The following PHRF1 variants were observed in gnomAD, a reference collection of about 807,000 sequenced individuals.
PHRF1 encodes PHD and ring finger domains 1.
A neutral mutation model predicts 128.9 loss-of-function variants in PHRF1; 53 were observed. The ratio of observed to expected loss-of-function variants is 0.41; its 90% CI spans 0.33 to 0.52. The LOEUF (loss-of-function observed/expected upper bound fraction) is 0.52, where lower values mean the gene tolerates loss of function less well. Ranked by LOEUF, PHRF1 falls within the 20% of genes least tolerant of loss-of-function variation. PHRF1 has a pLI of 0.21. For missense variants in PHRF1, 2,503 were observed against 2,284.5 expected, an observed-to-expected ratio of 1.10 and a Z score of -1.95; for synonymous variants, 1,178 against 980.6, an observed-to-expected ratio of 1.20 and a Z score of -3.76.
At chr11:603,995 G>C (rs530282490) in intron 10 of PHRF1, among the ~76,000 whole-genome samples, 1 of 152,140 alleles carries the variant, frequency 6.6e-6, no homozygotes, top group Non-Finnish European at 1.5e-5. Context: ...GAGCCACCAT[G>C]CCTGGCCCTC....
intron 4 of PHRF1, among the ~76,000 whole-genome samples, chr11:591,124 C>A (rs909996738): frequency 6.6e-6 from 1 of 152,222 alleles, no homozygotes; most frequent in Non-Finnish European, 1.5e-5. Context: ...CCACGCCTGT[C>A]CTTCCTCCCT....
At chr11:585,580 C>CTTCAACTCTTT in intron 3 of PHRF1, among the ~76,000 whole-genome samples, 1 of 121,790 alleles carries the variant, frequency 8.2e-6, no homozygotes, top group African/African-American at 3.5e-5. Flanking sequence ...GGTAGTAGCC[C>CTTCAACTCTTT]TTTCCAGCTT....
At position 610,308 on chromosome 11, in the gene PHRF1, G is replaced by T. The variant is rs1856288471; in HGVS notation, c.4377G>T (p.Val1459=). The change falls in exon 15 of 18, where the codon GTG becomes GTT. Residue 1459 remains valine (V), a synonymous_variant. Coordinates refer to ENST00000264555, the MANE Select transcript of PHRF1 (RefSeq NM_001286581.2). ...VFSELPFPSH[V]LPEPGFPDTD... The stretch of plus-strand genomic sequence containing the variant: ...CCGAGCTGCCCTTTCCCAGTCACGT[G>T]CTTCCGGAACCCGGGTTCCCAGACA... 1.3e-6 allele frequency: 2 copies of T among 1,565,518 alleles called. No individual in the cohort carries two copies. The highest frequency in any genetic ancestry group is 1.7e-6 in the Non-Finnish European group (2 of 1,155,274).
chr11:611,983 A>G lies in PHRF1; in HGVS notation c.*206A>G. On this transcript the variant is annotated 3_prime_UTR_variant, in exon 18 of 18. Coordinates refer to ENST00000264555, the MANE Select transcript of PHRF1 (RefSeq NM_001286581.2). The stretch of plus-strand genomic sequence containing the variant: ...GTGCACCTGTGTTGCTCACAGTTGA[A>G]AACTGGACACTTTTGTATGTATATT... The G allele has an allele frequency of 1.4e-6, 1 of 717,974 alleles. No individual in the cohort carries two copies. Among genetic ancestry groups the G allele is most frequent in the South Asian group, 1.9e-5 (1 of 51,596 alleles). 44.5% of individuals were successfully genotyped at this position (717,974 alleles called of 1,614,324 possible). A position where few individuals can be genotyped will look rare whatever the true frequency, so the allele number is the denominator to read the frequency against.
At chr11:602,233 A>T (rs1180097242) in intron 10 of PHRF1, among the ~76,000 whole-genome samples, 1 of 152,134 alleles carries the variant, frequency 6.6e-6, no homozygotes, top group African/African-American at 2.4e-5. Flanking sequence ...CCAGACATTT[A>T]ATATTCATTT....
At chr11:586,252 A>G (rs896263448) in intron 3 of PHRF1, among the ~76,000 whole-genome samples, 2 of 151,582 alleles carry the variant, frequency 1.3e-5, no homozygotes, top group Non-Finnish European at 2.9e-5. Context: ...TCAGCCTCCC[A>G]AAGATGCCGG....
rs1161823522 is a variant in PHRF1 at position 597,605 on chromosome 11, C to T, written c.894+35C>T. 7 of 1,581,690 alleles carry T rather than the reference C, an allele frequency of 4.4e-6. No homozygotes were observed. The highest frequency in any genetic ancestry group is 6.0e-6 in the Non-Finnish European group (7 of 1,165,642). ...CCAGCCCTGACGCCAGTCGTAGAACCCCAGCTGCCCAGAGTGATCTCGGCA... is the reference window on the plus strand; with the variant it reads ...CCAGCCCTGACGCCAGTCGTAGAACTCCAGCTGCCCAGAGTGATCTCGGCA... On this transcript the variant is annotated intron_variant, in intron 8 of 17. Coordinates refer to ENST00000264555, the MANE Select transcript of PHRF1 (RefSeq NM_001286581.2). This position sits in a 1 kb window ranked among gnomAD's most constrained non-coding sequence, Gnocchi z 6.5.
intron 3 of PHRF1, among the ~76,000 whole-genome samples, chr11:582,960 G>A (rs1854296711): frequency 6.6e-6 from 1 of 151,164 alleles, no homozygotes; most frequent in Non-Finnish European, 1.5e-5. Context: ...TGTGAACCTA[G>A]GAGGTGGAGG....
At chr11:584,483 A>AG (rs1854405558) in intron 3 of PHRF1, among the ~76,000 whole-genome samples, 1 of 152,124 alleles carries the variant, frequency 6.6e-6, no homozygotes, top group African/African-American at 2.4e-5. Flanking sequence ...GTGGGCGTCC[A>AG]GGGGAGGGGC....
Position 607,731 on chromosome 11 carries a change from T to G in PHRF1, c.2275T>G (p.Leu759Val), listed in dbSNP as rs762125946. ...RPPAPSSHGS[L>V]APLGPSRGKG... ...CCCAGCCCCCAGCTCCCATGGCAGT[T>G]TGGCCCCACTGGGACCATCAAGAGG... The change falls in exon 14 of 18, where the codon TTG (leucine) becomes GTG (valine). Residue 759 changes from leucine (L) to valine (V), a missense_variant. Leu to Val is a conservative substitution (Grantham distance 32). Coordinates refer to ENST00000264555, the MANE Select transcript of PHRF1 (RefSeq NM_001286581.2). 1.2e-6 allele frequency: 2 copies of G among 1,611,916 alleles called. No homozygotes were observed. Among genetic ancestry groups the G allele is most frequent in the South Asian group, 1.1e-5 (1 of 91,074 alleles).
chr11:610,061 G>A, intron 14 of PHRF1, 135 bp from the exon 15 acceptor site: 1 of 1,178,418 alleles, frequency 8.5e-7, no homozygotes. Context: ...ACCTCCCCTT[G>A]GTGCTGGGGG....
chr11:610,074 G>C, intron 14 of PHRF1, 122 bp from the exon 15 acceptor site: 1 of 1,281,268 alleles, frequency 7.8e-7, no homozygotes, highest in Non-Finnish European at 1.0e-6. Flanking sequence ...GCTGGGGGTG[G>C]ATCTGAGGGC....
chr11:606,485 G>C lies in PHRF1; in HGVS notation c.1498G>C (p.Glu500Gln). ...GGTGCCAGAGCCAGACTTGGAGGAG[G>C]AGCCAGTGCCTGACCTGCTGGGCAG... ...AAVPEPDLEE[E>Q]PVPDLLGSIL... Residue 500 changes from glutamate to glutamine, a missense_variant, in exon 13 of 18, where the codon GAG (glutamate) becomes CAG (glutamine). Transcript: ENST00000264555. The C allele has an allele frequency of 6.3e-7, 1 of 1,595,452 alleles. No individual in the cohort carries two copies.
rs2133100723 is a variant in PHRF1, at chr11:610,357, TGGGCTGGA to T, written c.4416+17_4416+24del. On this transcript the variant is annotated intron_variant, in intron 15 of 17. Coordinates refer to ENST00000264555, the MANE Select transcript of PHRF1 (RefSeq NM_001286581.2). Reference sequence around the variant, plus strand: ...CACAGACCCCTCTCAGGTGGGTGTCTGGGCTGGAGGGCTGTGGGCCGTGGGCAGTGGCC... The same window carrying T: ...CACAGACCCCTCTCAGGTGGGTGTCTGGGCTGTGGGCCGTGGGCAGTGGCC... 6.4e-7 allele frequency: 1 copy of T among 1,554,910 alleles called. No homozygotes were observed. The highest frequency in any genetic ancestry group is 8.7e-7 in the Non-Finnish European group (1 of 1,148,874).
rs557904027 is a variant in PHRF1, at chr11:609,093, C to T, written c.3637C>T (p.Arg1213Trp). 6.7e-5 allele frequency: 107 copies of T among 1,603,586 alleles called. No individual in the cohort carries two copies. The highest frequency in any genetic ancestry group is 8.5e-5 in the Non-Finnish European group (100 of 1,175,910). The change falls in exon 14 of 18, where the codon CGG becomes TGG. Residue 1213 changes from arginine (R) to tryptophan (W), a missense_variant. Arg to Trp is a moderately radical substitution (Grantham distance 101). Coordinates refer to ENST00000264555, the MANE Select transcript of PHRF1 (RefSeq NM_001286581.2). ...PAPLAQGEPG[R>W]EDLPTRLPAL... Reference sequence around the variant, plus strand: ...GCCCCTTGCACAGGGGGAGCCAGGGCGGGAAGACCTCCCCACCAGGTTGCC... The same window carrying T: ...GCCCCTTGCACAGGGGGAGCCAGGGTGGGAAGACCTCCCCACCAGGTTGCC...
In PHRF1 at chr11:587,309, A is replaced by G. The variant is rs755411542; in HGVS notation, c.265A>G (p.Thr89Ala). The G allele has an allele frequency of 3.1e-6, 5 of 1,613,646 alleles. No individual in the cohort carries two copies. The Admixed American group carries it at 5.0e-5, about 16-fold the overall frequency. Reference protein sequence around the residue: ...DGETLLEVAGTQGKLEAAGSF... With the variant: ...DGETLLEVAGAQGKLEAAGSF... ...GGAGACATTGCTGGAGGTAGCGGGT[A>G]CTCAGGGGAAACTGGAAGCCGCTGG... Residue 89 changes from threonine to alanine, a missense_variant, in exon 4 of 18, where the codon ACT becomes GCT. Thr to Ala is a moderately conservative substitution (Grantham distance 58). Coordinates refer to ENST00000264555, the MANE Select transcript of PHRF1 (RefSeq NM_001286581.2).
intron 10 of PHRF1, among the ~76,000 whole-genome samples, 199 bp from the exon 11 acceptor site, chr11:604,920 C>T (rs368318260): frequency 2.0e-4 from 31 of 152,230 alleles, no homozygotes; most frequent in Non-Finnish European, 3.1e-4. Context: ...TGGTAGCCTG[C>T]AGGAGCTTCA....
In PHRF1 at chr11:597,211, G is replaced by A. The variant is rs979274556; in HGVS notation, c.719-184G>A. Reference sequence around the variant, plus strand: ...TCGTCTTCTCGGGGATGTGTGTGGGGTCCATTGGCTGGGGGGTTCCGGTCC... The same window carrying A: ...TCGTCTTCTCGGGGATGTGTGTGGGATCCATTGGCTGGGGGGTTCCGGTCC... On this transcript the variant is annotated intron_variant, in intron 7 of 17. Transcript: ENST00000264555. The surrounding 1 kb of genome is among the most constrained non-coding windows in gnomAD (Gnocchi z 6.5). 6.6e-6 allele frequency among the ~76,000 whole-genome samples: 1 copy of A among 152,028 alleles called. No individual in the cohort carries two copies. Among genetic ancestry groups the A allele is most frequent in the Non-Finnish European group, 1.5e-5 (1 of 67,958 alleles).
chr11:602,014 GC>G (rs1488475248), intron 10 of PHRF1, among the ~76,000 whole-genome samples: 1 of 152,174 alleles, frequency 6.6e-6, no homozygotes, highest in African/African-American at 2.4e-5. Context: ...TGTGAGCCAG[GC>G]CAGTGCAAGC....
Sources: allele counts gnomAD v4.1 joint callset (sites outside exome capture counted in the v4.1 genomes callset), GRCh38; gene constraint gnomAD v4.1.1; non-coding constraint Gnocchi (gnomAD v3.1); transcripts MANE v1.5; gene names NCBI Gene and HGNC (gene_info 2026-07-23, HGNC 2026-07-21).